Variants in EEIG2 observed in about 807,000 individuals in gnomAD.
EEIG2 encodes family with sequence similarity 102 member B.
the EEIG2 span, among the ~76,000 whole-genome samples, chr1:108,591,737 T>A: frequency 6.6e-6 from 1 of 152,042 alleles, no homozygotes; most frequent in African/African-American, 2.4e-5. Context: ...GCAGGCCTGG[T>A]CATATGGGAC....
the EEIG2 span, among the ~76,000 whole-genome samples, chr1:108,621,418 T>C: frequency 2.0e-4 from 30 of 152,340 alleles, no homozygotes; most frequent in South Asian, 5.8e-3. Context: ...TTCTCCATAA[T>C]GCTTAGTTGC....
At chr1:108,604,361 A>G in the EEIG2 span, among the ~76,000 whole-genome samples, 10 of 152,236 alleles carry the variant, frequency 6.6e-5, no homozygotes, top group Non-Finnish European at 1.3e-4. Context: ...GGTTTGTGTT[A>G]GTTGAAGGGA....
chr1:108,587,061 C>T, the EEIG2 span, among the ~76,000 whole-genome samples: 1 of 151,898 alleles, frequency 6.6e-6, no homozygotes, highest in East Asian at 1.9e-4. Flanking sequence ...GAAAGGGTAC[C>T]TGGGTGATAG....
chr1:108,582,861 GGGGGAT>G, the EEIG2 span, among the ~76,000 whole-genome samples: 484 of 152,212 alleles, frequency 3.2e-3, 4 homozygotes, highest in African/African-American at 0.011. Context: ...GAGCATATTT[GGGGGAT>G]GCAGTGAAGG....
the EEIG2 span, among the ~76,000 whole-genome samples, chr1:108,570,762 A>T: frequency 6.6e-6 from 1 of 152,174 alleles, no homozygotes; most frequent in African/African-American, 2.4e-5. Context: ...ACTGGTGAGA[A>T]AGGAATCTAA....
the EEIG2 span, chr1:108,600,549 T>G: frequency 1.2e-6 from 2 of 1,608,958 alleles, no homozygotes; most frequent in Admixed American, 3.4e-5. Flanking sequence ...AATTGGCTCT[T>G]TTTTTCTTTC....
At chr1:108,612,011 T>C in the EEIG2 span, among the ~76,000 whole-genome samples, 6 of 152,182 alleles carry the variant, frequency 3.9e-5, no homozygotes, top group South Asian at 6.2e-4. Flanking sequence ...GGTGAACCAA[T>C]TTAAAAACAC....
At chr1:108,600,444 T>C in the EEIG2 span, 1 of 1,151,594 alleles carries the variant, frequency 8.7e-7, no homozygotes, top group Non-Finnish European at 1.2e-6. Context: ...GCTACACTGT[T>C]TACAAATACT....
At chr1:108,579,811 CTT>C in the EEIG2 span, among the ~76,000 whole-genome samples, 1 of 145,772 alleles carries the variant, frequency 6.9e-6, no homozygotes, top group African/African-American at 2.6e-5. Flanking sequence ...AACCCACTCT[CTT>C]ATCACCCAGG....
At chr1:108,579,466 CTT>C in the EEIG2 span, among the ~76,000 whole-genome samples, 1 of 146,632 alleles carries the variant, frequency 6.8e-6, no homozygotes, top group Admixed American at 6.9e-5. Flanking sequence ...TACAAAGAGA[CTT>C]AGACTCCCAC....
the EEIG2 span, among the ~76,000 whole-genome samples, chr1:108,604,363 T>C: frequency 6.6e-6 from 1 of 152,228 alleles, no homozygotes; most frequent in African/African-American, 2.4e-5. Context: ...TTTGTGTTAG[T>C]TGAAGGGAGA....
chr1:108,578,583 T>C, the EEIG2 span, among the ~76,000 whole-genome samples: 8 of 150,708 alleles, frequency 5.3e-5, no homozygotes, highest in African/African-American at 2.0e-4. Context: ...TTTGGCTCTG[T>C]TTATATGCTG....
chr1:108,599,773 C>T, the EEIG2 span, among the ~76,000 whole-genome samples: 1 of 152,184 alleles, frequency 6.6e-6, no homozygotes, highest in Non-Finnish European at 1.5e-5. Context: ...AGGTGGATTA[C>T]CTGAGGTCAG....
the EEIG2 span, among the ~76,000 whole-genome samples, chr1:108,562,291 C>A: frequency 3.3e-5 from 5 of 152,086 alleles, no homozygotes; most frequent in Non-Finnish European, 5.9e-5. Context: ...TAGGGAGCTT[C>A]CTAATGACTT....
At chr1:108,573,265 TA>T in the EEIG2 span, among the ~76,000 whole-genome samples, 1 of 152,196 alleles carries the variant, frequency 6.6e-6, no homozygotes, top group Non-Finnish European at 1.5e-5. Context: ...TACCCAACAT[TA>T]TACTAGTAGT....
chr1:108,602,722 A>G, the EEIG2 span, among the ~76,000 whole-genome samples: 1 of 152,094 alleles, frequency 6.6e-6, no homozygotes, highest in Non-Finnish European at 1.5e-5. Context: ...TCCATAAAAA[A>G]TACAAAAATT....
At chr1:108,609,030 G>A in the EEIG2 span, among the ~76,000 whole-genome samples, 1 of 152,178 alleles carries the variant, frequency 6.6e-6, no homozygotes, top group Non-Finnish European at 1.5e-5. Context: ...TATAGGCTCT[G>A]CCACCTAATA....
chr1:108,612,706 TC>T, the EEIG2 span, among the ~76,000 whole-genome samples: 1 of 152,256 alleles, frequency 6.6e-6, no homozygotes, highest in East Asian at 1.9e-4. Flanking sequence ...GGAACCCACT[TC>T]TGGGCATCTG....
At chr1:108,627,991 G>A in the EEIG2 span, 257 of 582,632 alleles carry the variant, frequency 4.4e-4, no homozygotes, top group Non-Finnish European at 6.8e-4. Flanking sequence ...TAAATACTTT[G>A]TATATCTTGC....
Sources: allele counts gnomAD v4.1 joint callset (sites outside exome capture counted in the v4.1 genomes callset), GRCh38; gene constraint gnomAD v4.1.1; transcripts MANE v1.5; gene names NCBI Gene and HGNC (gene_info 2026-07-23, HGNC 2026-07-21).